SKIL: variants seen among roughly 807,000 people sequenced by gnomAD.
SKIL encodes the protein ski-like protein.
SKIL carries 20 observed loss-of-function variants against 69.6 expected under a neutral mutation model. That is an observed-to-expected ratio of 0.29 (90% CI 0.20 to 0.42). The LOEUF (loss-of-function observed/expected upper bound fraction) is 0.42, where lower values mean the gene tolerates loss of function less well. SKIL is among the 10% of genes least tolerant of loss of function. The pLI, the probability that SKIL is intolerant of heterozygous loss-of-function variation, is 1.00. For synonymous variants in SKIL, 310 were observed against 279.9 expected (o/e 1.11, Z -1.08); for missense variants, 745 against 783.1 (o/e 0.95, Z 0.58).
chr3:170,378,792 C>T (rs1380027441), intron 2 of SKIL, among the ~76,000 whole-genome samples: 1 of 151,854 alleles, frequency 6.6e-6, no homozygotes, highest in Non-Finnish European at 1.5e-5. Flanking sequence ...ATCCACCTCC[C>T]TCAGCCTCCC....
Position 170,395,692 on chromosome 3 carries a change from G to C in SKIL, c.*3275G>C, listed in dbSNP as rs1203625984. The C allele has an allele frequency of 6.6e-6, 1 of 151,992 alleles. No homozygotes were observed. The highest frequency in any genetic ancestry group is 6.6e-5 in the Admixed American group (1 of 15,260). The allele number at this position is 151,992 out of a possible 1,614,324, so 9.4% of individuals were successfully genotyped here. ...GCTTCTAAAATTTTCTTCTCAATAA[G>C]GCATATGTTTTGATTACTTAGGGAA... On this transcript the variant is annotated 3_prime_UTR_variant, in exon 7 of 7. Coordinates refer to ENST00000259119, the MANE Select transcript of SKIL (RefSeq NM_005414.5).
rs145482262 is a variant in SKIL at position 170,358,041 on chromosome 3, G to C, written c.-634+278G>C. On this transcript the variant is annotated intron_variant, in intron 1 of 6. Transcript: ENST00000259119. ...CAGGGCAGGGCGCTGTAGTTGACGG[G>C]AGCCGCGGGGACCCCGGAGACCCGG... 1.1e-3 allele frequency among the ~76,000 whole-genome samples: 165 copies of C among 152,176 alleles called. 1 individual carries two copies. Among genetic ancestry groups the C allele is most frequent in the Middle Eastern group, 3.4e-3 (1 of 292 alleles).
intron 2 of SKIL, among the ~76,000 whole-genome samples, chr3:170,378,314 A>C (rs1293781206): frequency 6.6e-6 from 1 of 152,164 alleles, no homozygotes; most frequent in Non-Finnish European, 1.5e-5. Flanking sequence ...GTTACTTGTC[A>C]GATCTCTCCC....
Position 170,394,956 on chromosome 3 carries a change from TTGTG to T in SKIL, c.*2542_*2545del. 1 of 152,144 alleles carries T rather than the reference TTGTG, an allele frequency of 6.6e-6. No individual in the cohort carries two copies. Among genetic ancestry groups the T allele is most frequent in the Non-Finnish European group, 1.5e-5 (1 of 67,994 alleles). 9.4% of individuals were successfully genotyped at this position (152,144 alleles called of 1,614,324 possible). On this transcript the variant is annotated 3_prime_UTR_variant, in exon 7 of 7. Transcript: ENST00000259119. ...TTAAAGTTTGATTTGTTGTTACTCT[TTGTG>T]TGCCAAATTCACTAGGCAAGCGGAT...
chr3:170,384,432 GA>G (rs915736449), intron 3 of SKIL, 100 bp from the exon 4 acceptor site: 635 of 537,062 alleles, frequency 1.2e-3, no homozygotes, highest in Middle Eastern at 2.2e-3. Context: ...GTTTTGGTTA[GA>G]AAAAAAAAAG....
intron 2 of SKIL, among the ~76,000 whole-genome samples, chr3:170,368,943 C>T (rs1345790898): frequency 6.6e-6 from 1 of 152,108 alleles, no homozygotes; most frequent in African/African-American, 2.4e-5. Flanking sequence ...CCAATACAGA[C>T]CTGCTTAGAT....
Position 170,395,918 on chromosome 3 carries a change from ATTTT to A in SKIL, c.*3508_*3511del. On this transcript the variant is annotated 3_prime_UTR_variant, in exon 7 of 7. Coordinates refer to ENST00000259119, the MANE Select transcript of SKIL (RefSeq NM_005414.5). ...ATTGTGGAATTGAATAAACAGCCTA[ATTTT>A]TTTTTTCTAGTATAGGGTACTTAAG... 1 of 149,454 alleles carries A rather than the reference ATTTT, an allele frequency of 6.7e-6. No homozygotes were observed. Among genetic ancestry groups the A allele is most frequent in the South Asian group, 2.1e-4 (1 of 4,780 alleles). The allele number at this position is 149,454 out of a possible 1,614,324, so 9.3% of individuals were successfully genotyped here.
chr3:170,361,039 A>G lies in SKIL; in HGVS notation c.708A>G (p.Pro236=), dbSNP rs3772174. The G allele has an allele frequency of 3.2e-3, 5,225 of 1,614,252 alleles. 165 individuals are homozygous for G. In the East Asian group the frequency reaches 0.074, roughly 23 times the overall value. Residue 236 remains proline, a synonymous_variant, in exon 2 of 7, where the codon CCA becomes CCG. Transcript: ENST00000259119. ...AQRLCNALLR[P]RTFPQNGSVL... ...GATTATGTAATGCTTTATTGCGGCC[A>G]CGAACTTTTCCTCAAAATGGTAGCG...
intron 4 of SKIL, among the ~76,000 whole-genome samples, chr3:170,386,152 CAG>C (rs368189104): frequency 1.7e-3 from 260 of 148,922 alleles, no homozygotes; most frequent in African/African-American, 6.0e-3. Context: ...TGTTTGGAGA[CAG>C]AGTTTCGTAT....
chr3:170,373,696 G>A (rs1736891686), intron 2 of SKIL, among the ~76,000 whole-genome samples: 1 of 151,996 alleles, frequency 6.6e-6, no homozygotes, highest in Admixed American at 6.6e-5. Context: ...TCCAGCTTGG[G>A]CAACATAGTG....
intron 2 of SKIL, among the ~76,000 whole-genome samples, chr3:170,366,714 CAT>C (rs1491494890): frequency 8.6e-5 from 13 of 151,166 alleles, no homozygotes; most frequent in African/African-American, 2.7e-4. Flanking sequence ...CACACACACA[CAT>C]ACTTGATTTT....
Position 170,363,522 on chromosome 3 carries a change from G to T in SKIL, c.1098+2093G>T, listed in dbSNP as rs1020794228. On this transcript the variant is annotated intron_variant, in intron 2 of 6. Coordinates refer to ENST00000259119, the MANE Select transcript of SKIL (RefSeq NM_005414.5). Reference sequence around the variant, plus strand: ...TTTTTTGAGACAGAGTTTCGCTCCTGTTGCCCAGGCTAGAGCTCAGTGGCG... The same window carrying T: ...TTTTTTGAGACAGAGTTTCGCTCCTTTTGCCCAGGCTAGAGCTCAGTGGCG... Among the ~76,000 whole-genome samples, 52 of 151,460 alleles carry T rather than the reference G, an allele frequency of 3.4e-4. 1 individual carries two copies. The highest frequency in any genetic ancestry group is 1.3e-4 in the Non-Finnish European group (9 of 67,948).
chr3:170,383,752 G>T (rs79247743), intron 3 of SKIL, among the ~76,000 whole-genome samples: 1 of 152,140 alleles, frequency 6.6e-6, no homozygotes, highest in African/African-American at 2.4e-5. Context: ...AGCCCTGGGA[G>T]CTCCTCACTG....
At chr3:170,384,839 T>C (rs997941219) in intron 4 of SKIL, 74 bp downstream of exon 4, 3 of 799,322 alleles carry the variant, frequency 3.8e-6, no homozygotes, top group Non-Finnish European at 5.9e-6. Context: ...TCAAACAGGC[T>C]TTTTGTTTGA....
intron 3 of SKIL, among the ~76,000 whole-genome samples, chr3:170,383,861 A>AGTC (rs1219880195): frequency 6.6e-6 from 1 of 152,110 alleles, no homozygotes; most frequent in Non-Finnish European, 1.5e-5. Context: ...GGCAAGATAA[A>AGTC]GTCCTCCAAA....
rs1306940403 is a variant in SKIL, at chr3:170,393,149, TG to T, written c.*733del. On this transcript the variant is annotated 3_prime_UTR_variant, in exon 7 of 7. Transcript: ENST00000259119. The stretch of plus-strand genomic sequence containing the variant: ...GCAGCAACTTTTCAAAAATAAAATG[TG>T]ATAATTTCTGAACTTTTGTTTGTGT... 1 of 152,050 alleles carries T rather than the reference TG, an allele frequency of 6.6e-6. No homozygotes were observed. Among genetic ancestry groups the T allele is most frequent in the African/African-American group, 2.4e-5 (1 of 41,426 alleles). The allele number at this position is 152,050 out of a possible 1,614,324, so 9.4% of individuals were successfully genotyped here.
chr3:170,369,867 C>T (rs1418509479), intron 2 of SKIL, among the ~76,000 whole-genome samples: 9 of 152,224 alleles, frequency 5.9e-5, no homozygotes, highest in Admixed American at 1.3e-4. Context: ...TACTGGGATT[C>T]ATATTACATA....
chr3:170,395,505 T>C lies in SKIL; in HGVS notation c.*3088T>C, dbSNP rs1246055015. The C allele has an allele frequency of 1.3e-5, 2 of 152,122 alleles. No individual in the cohort carries two copies. Among genetic ancestry groups the C allele is most frequent in the South Asian group, 2.1e-4 (1 of 4,832 alleles). 9.4% of individuals were successfully genotyped at this position (152,122 alleles called of 1,614,324 possible). On this transcript the variant is annotated 3_prime_UTR_variant, in exon 7 of 7. Coordinates refer to ENST00000259119, the MANE Select transcript of SKIL (RefSeq NM_005414.5). Reference sequence around the variant, plus strand: ...AAATAAAGTATATATTTGCCGGTTATCCATATCTTTTAGAAGTCCTGACAG... The same window carrying C: ...AAATAAAGTATATATTTGCCGGTTACCCATATCTTTTAGAAGTCCTGACAG...
intron 2 of SKIL, among the ~76,000 whole-genome samples, chr3:170,364,565 G>A (rs563685980): frequency 2.0e-5 from 3 of 150,868 alleles, no homozygotes; most frequent in South Asian, 2.1e-4. Context: ...GAGGTGATCC[G>A]ACCTCCTCGT....
Sources: gnomAD v4.1 joint callset for allele counts (sites outside exome capture counted in the v4.1 genomes callset) on GRCh38, gnomAD v4.1.1 for gene constraint, MANE v1.5 for transcripts, NCBI Gene and HGNC (gene_info 2026-07-23, HGNC 2026-07-21) for gene names.